STAB2: variants seen among roughly 807,000 people sequenced by gnomAD.
The protein encoded by STAB2 is stabilin-2.
STAB2 carries 288 observed loss-of-function variants against 338.1 expected under a neutral mutation model. That is an observed-to-expected ratio of 0.85 (90% CI 0.77 to 0.94). The LOEUF is 0.94. Among genes scored for constraint, STAB2 ranks in the 40% least tolerant of loss-of-function variants. STAB2 has a pLI of 0.00. For missense variants in STAB2, 3,141 were observed against 3,210.1 expected (o/e 0.98, Z 0.52); for synonymous variants, 1,202 against 1,193.3 (o/e 1.01, Z -0.15).
intron 49 of STAB2, among the ~76,000 whole-genome samples, 187 bp from the exon 50 acceptor site, chr12:103,731,389 C>T (rs1054026020): frequency 6.6e-6 from 1 of 152,098 alleles, no homozygotes; most frequent in Non-Finnish European, 1.5e-5. Context: ...GAAAAAGTAG[C>T]GCTTAGCCTA....
chr12:103,706,909 T>C lies in STAB2; in HGVS notation c.4114T>C (p.Cys1372Arg), dbSNP rs1000276725. The part of the protein sequence containing the change: ...CLDGVNGTGV[C>R]ECGEGFSGTA... The stretch of plus-strand genomic sequence containing the variant: ...GGATGGAGTGAATGGCACAGGTGTG[T>C]GTGAGTGTGGGGAGGGCTTCAGCGG... Residue 1372 changes from cysteine to arginine, a missense_variant, in exon 38 of 69, where the codon TGT becomes CGT. Cys to Arg is a radical substitution (Grantham distance 180). Coordinates refer to ENST00000388887, the MANE Select transcript of STAB2 (RefSeq NM_017564.10). The C allele has an allele frequency of 2.9e-5, 47 of 1,614,034 alleles. No individual in the cohort carries two copies. The highest frequency in any genetic ancestry group is 3.6e-5 in the Non-Finnish European group (42 of 1,180,030).
chr12:103,698,852 T>C (rs1878620066), intron 33 of STAB2, among the ~76,000 whole-genome samples: 1 of 152,238 alleles, frequency 6.6e-6, no homozygotes, highest in Non-Finnish European at 1.5e-5. Context: ...ATCTTCAGTC[T>C]GGGTTTTAGA....
At position 103,730,130 on chromosome 12, in the gene STAB2, AAAC is replaced by A. The variant is rs1294662935; in HGVS notation, c.5100_5102del (p.Asn1701del). Reference sequence around the variant, plus strand: ...GTTGATTTCAGAGCACGGTGTATATAAACAATAAGGCTAAGATCATATCCAGTG... The same window carrying A: ...GTTGATTTCAGAGCACGGTGTATATAAATAAGGCTAAGATCATATCCAGTG... On this transcript the variant is annotated inframe_deletion, in exon 49 of 69. Transcript: ENST00000388887. 1.9e-6 allele frequency: 3 copies of A among 1,602,976 alleles called. No individual in the cohort carries two copies. Among genetic ancestry groups the A allele is most frequent in the African/African-American group, 2.7e-5 (2 of 74,524 alleles).
Position 103,666,479 on chromosome 12 carries a change from G to T in STAB2, c.2085+126G>T. 4.3e-6 allele frequency: 4 copies of T among 932,786 alleles called. No individual in the cohort carries two copies. In the South Asian group the frequency reaches 5.9e-5, roughly 14 times the overall value. 57.8% of individuals were successfully genotyped at this position (932,786 alleles called of 1,614,324 possible). On this transcript the variant is annotated intron_variant, in intron 19 of 68. Coordinates refer to ENST00000388887, the MANE Select transcript of STAB2 (RefSeq NM_017564.10). ...AGCTGGGGTAATATAAGATGGGCTCGTAGCCTACTATATGGGGGATGGTAG... is the reference window on the plus strand; with the variant it reads ...AGCTGGGGTAATATAAGATGGGCTCTTAGCCTACTATATGGGGGATGGTAG...
At chr12:103,732,459 T>C (rs1287260948) in intron 50 of STAB2, among the ~76,000 whole-genome samples, 1 of 152,182 alleles carries the variant, frequency 6.6e-6, no homozygotes, top group Non-Finnish European at 1.5e-5. Flanking sequence ...TACTCAACCC[T>C]GAGCAGTCAC....
Position 103,740,558 on chromosome 12 carries a change from G to C in STAB2, c.5755-72G>C. On this transcript the variant is annotated intron_variant, in intron 54 of 68. Transcript: ENST00000388887. Reference sequence around the variant, plus strand: ...GGCAGTACCTAAGACCTCCATGAGGGCACAGACTAGAGCCCCAGAGCCCTA... The same window carrying C: ...GGCAGTACCTAAGACCTCCATGAGGCCACAGACTAGAGCCCCAGAGCCCTA... 6.4e-6 allele frequency: 10 copies of C among 1,551,164 alleles called. No individual in the cohort carries two copies. In the South Asian group the frequency reaches 1.3e-4, roughly 20 times the overall value.
intron 4 of STAB2, 34 bp from the exon 5 acceptor site, chr12:103,622,008 G>A: frequency 6.2e-7 from 1 of 1,611,594 alleles, no homozygotes; most frequent in Non-Finnish European, 8.5e-7. Flanking sequence ...GGGTCACCTT[G>A]GGTCTAATGT....
Position 103,629,243 on chromosome 12 carries a change from A to G in STAB2, c.488-2355A>G, listed in dbSNP as rs116153615. Among the ~76,000 whole-genome samples the G allele has an allele frequency of 4.8e-3, 728 of 152,344 alleles. 5 individuals carry two copies. Among genetic ancestry groups the G allele is most frequent in the African/African-American group, 0.017 (690 of 41,576 alleles). On this transcript the variant is annotated intron_variant, in intron 5 of 68. Coordinates refer to ENST00000388887, the MANE Select transcript of STAB2 (RefSeq NM_017564.10). Reference sequence around the variant, plus strand: ...ACAGAATATCACCATCAGAAAAAAGACTCACCATATCCATGGAGGAAAAGA... The same window carrying G: ...ACAGAATATCACCATCAGAAAAAAGGCTCACCATATCCATGGAGGAAAAGA...
At chr12:103,669,667 CAAT>C (rs889178253) in intron 21 of STAB2, 40 bp downstream of exon 21, 5 of 1,577,018 alleles carry the variant, frequency 3.2e-6, no homozygotes, top group Non-Finnish European at 4.4e-6. Context: ...TCAAATCAAA[CAAT>C]AATTTTTAGA....
At chr12:103,716,303 C>G (rs1453964004) in intron 43 of STAB2, among the ~76,000 whole-genome samples, 1 of 152,116 alleles carries the variant, frequency 6.6e-6, no homozygotes, top group African/African-American at 2.4e-5. Flanking sequence ...GCCCTGAGTA[C>G]CATGAGCTTG....
intron 61 of STAB2, among the ~76,000 whole-genome samples, chr12:103,754,704 C>T (rs552824373): frequency 6.6e-6 from 1 of 152,108 alleles, no homozygotes; most frequent in Non-Finnish European, 1.5e-5. Context: ...AATCCCAGCA[C>T]TTTGGGAGCC....
chr12:103,759,079 A>G, intron 64 of STAB2, 54 bp from the exon 65 acceptor site: 1 of 1,613,680 alleles, frequency 6.2e-7, no homozygotes, highest in African/African-American at 1.3e-5. Flanking sequence ...CATTAAAAAG[A>G]CAAAATATTG....
chr12:103,703,057 G>C, intron 34 of STAB2, 91 bp from the exon 35 acceptor site: 1 of 1,370,702 alleles, frequency 7.3e-7, no homozygotes, highest in South Asian at 1.4e-5. Flanking sequence ...ATATCTCCTA[G>C]GCAATTGTCC....
At chr12:103,644,669 T>C (rs923983486) in intron 9 of STAB2, among the ~76,000 whole-genome samples, 2 of 152,338 alleles carry the variant, frequency 1.3e-5, no homozygotes, top group Middle Eastern at 3.4e-3. Context: ...GCAATGCCTG[T>C]CACCAATTAA....
intron 34 of STAB2, among the ~76,000 whole-genome samples, chr12:103,701,171 A>G (rs560596261): frequency 8.7e-4 from 132 of 151,468 alleles, no homozygotes; most frequent in African/African-American, 2.9e-3. Context: ...TGTCCCTACA[A>G]AGGACATGAA....
chr12:103,655,210 T>A, intron 13 of STAB2, 41 bp from the exon 14 acceptor site: 1 of 1,551,612 alleles, frequency 6.4e-7, no homozygotes. Flanking sequence ...TAAATCACAA[T>A]ATTTTATTTC....
intron 10 of STAB2, 31 bp downstream of exon 10, chr12:103,648,854 A>G: frequency 6.2e-7 from 1 of 1,605,692 alleles, no homozygotes; most frequent in Admixed American, 1.7e-5. Flanking sequence ...ATTTCCACAC[A>G]AAAGTCCTCT....
Position 103,690,422 on chromosome 12 carries a change from A to G in STAB2, c.3183-2A>G. Reference sequence around the variant, plus strand: ...TATAGCCTTTGTGGACTATTGTTTCAGGTACCATATGCTACTAGGCACATA... The same window carrying G: ...TATAGCCTTTGTGGACTATTGTTTCGGGTACCATATGCTACTAGGCACATA... On this transcript the variant is annotated splice_acceptor_variant, in intron 29 of 68. Coordinates refer to ENST00000388887, the MANE Select transcript of STAB2 (RefSeq NM_017564.10). LOFTEE classifies it high-confidence loss of function. 6.2e-7 allele frequency: 1 copy of G among 1,609,550 alleles called. No homozygotes were observed. The highest frequency in any genetic ancestry group is 2.2e-5 in the East Asian group (1 of 44,854).
At chr12:103,766,146 A>G in intron 68 of STAB2, 140 bp from the exon 69 acceptor site, 1 of 1,152,218 alleles carries the variant, frequency 8.7e-7, no homozygotes, top group Non-Finnish European at 1.3e-6. Flanking sequence ...ACAAGGCAGC[A>G]GCACAAACAA....
Sources: allele counts gnomAD v4.1 joint callset (sites outside exome capture counted in the v4.1 genomes callset), GRCh38; gene constraint gnomAD v4.1.1; transcripts MANE v1.5; gene names NCBI Gene and HGNC (gene_info 2026-07-23, HGNC 2026-07-21).